The following NTN1 variants were observed in gnomAD, a reference collection of about 807,000 sequenced individuals.
The protein encoded by NTN1 is netrin-1.
A neutral mutation model predicts 54.2 loss-of-function variants in NTN1; 11 were observed. The ratio of observed to expected loss-of-function variants is 0.20; its 90% CI spans 0.13 to 0.34. The LOEUF (loss-of-function observed/expected upper bound fraction) is 0.34, where lower values mean the gene tolerates loss of function less well. Among genes scored for constraint, NTN1 ranks in the 10% least tolerant of loss-of-function variants. NTN1 has a pLI of 1.00. For missense variants in NTN1, 740 were observed against 893.1 expected, an observed-to-expected ratio of 0.83 and a Z score of 2.18; for synonymous variants, 371 against 382.0, an observed-to-expected ratio of 0.97 and a Z score of 0.33.
chr17:9,053,665 A>G (rs995754677), intron 2 of NTN1, among the ~76,000 whole-genome samples: 12 of 152,244 alleles, frequency 7.9e-5, no homozygotes, highest in African/African-American at 2.4e-4. Context: ...TGCTTAGTAC[A>G]TATACAGTGG....
intron 2 of NTN1, 74 bp downstream of exon 2, chr17:9,023,465 A>G: frequency 7.6e-7 from 1 of 1,318,888 alleles, no homozygotes; most frequent in Non-Finnish European, 9.6e-7. Context: ...CGCAGCGGCG[A>G]GTTCATAGGA....
chr17:9,086,922 C>T (rs144481313), intron 2 of NTN1, among the ~76,000 whole-genome samples: 4 of 152,286 alleles, frequency 2.6e-5, no homozygotes, highest in Non-Finnish European at 4.4e-5. Context: ...GCATCAGCAC[C>T]GTTGTCATCA....
rs1277960791 is a variant in NTN1, at chr17:9,022,313, G to A, written c.-61G>A. 2 of 1,259,744 alleles carry A rather than the reference G, an allele frequency of 1.6e-6. No homozygotes were observed. Among genetic ancestry groups the A allele is most frequent in the African/African-American group, 1.6e-5 (1 of 64,054 alleles). The allele number at this position is 1,259,744 out of a possible 1,614,324, so 78.0% of individuals were successfully genotyped here. On this transcript the variant is annotated splice_region_variant and 5_prime_UTR_variant, in exon 2 of 7. Coordinates refer to ENST00000173229, the MANE Select transcript of NTN1 (RefSeq NM_004822.3). ...GCGCAGCTCCCTTCTCTCCGCAGGC[G>A]CCTTCTGCGGCAGGCGGACAGATCC...
chr17:9,063,102 C>CT (rs561140679), intron 2 of NTN1, among the ~76,000 whole-genome samples: 17,592 of 145,794 alleles, frequency 0.12, 1,226 homozygotes, highest in Non-Finnish European at 0.16. Flanking sequence ...TCATTAATGA[C>CT]TTTTTTTTTT....
chr17:9,029,293 CG>C (rs1258408806), intron 2 of NTN1, among the ~76,000 whole-genome samples: 7 of 152,196 alleles, frequency 4.6e-5, no homozygotes, highest in Admixed American at 3.9e-4. Context: ...CCACAAGGAA[CG>C]GAAGCTTTTC....
At chr17:9,020,304 C>T (rs542750346), upstream of NTN1, among the ~76,000 whole-genome samples, 1 of 152,336 alleles carries the variant, frequency 6.6e-6, no homozygotes, top group African/African-American at 2.4e-5. Flanking sequence ...GCAGAGATTC[C>T]GTTCCAAACT....
chr17:9,220,505 G>A (rs1485323197), intron 5 of NTN1, among the ~76,000 whole-genome samples: 1 of 152,096 alleles, frequency 6.6e-6, no homozygotes, highest in Non-Finnish European at 1.5e-5. Flanking sequence ...GCAGGCCCTG[G>A]TGCCCTCCAC....
In NTN1 at chr17:9,022,657, A is replaced by G; in HGVS notation, c.284A>G (p.Asn95Ser). The G allele has an allele frequency of 6.4e-7, 1 of 1,567,446 alleles. No individual in the cohort carries two copies. Among genetic ancestry groups the G allele is most frequent in the South Asian group, 1.2e-5 (1 of 85,834 alleles). ...CGGCTGCGCTCGTGCCACCTCTGCA[A>G]CGCGTCCGACCCCAAGAAGGCGCAC... ...EERLRSCHLC[N>S]ASDPKKAHPP... Residue 95 changes from asparagine to serine, a missense_variant, in exon 2 of 7, where the codon AAC becomes AGC. Asn to Ser is a conservative substitution (Grantham distance 46, BLOSUM62 1). Coordinates refer to ENST00000173229, the MANE Select transcript of NTN1 (RefSeq NM_004822.3).
In NTN1 at chr17:9,135,772, T is replaced by C. The variant is rs900876855; in HGVS notation, c.1019-27041T>C. Among the ~76,000 whole-genome samples, 1 of 152,134 alleles carries C rather than the reference T, an allele frequency of 6.6e-6. No individual in the cohort carries two copies. Among genetic ancestry groups the C allele is most frequent in the Non-Finnish European group, 1.5e-5 (1 of 68,032 alleles). On this transcript the variant is annotated intron_variant, in intron 2 of 6. Coordinates refer to ENST00000173229, the MANE Select transcript of NTN1 (RefSeq NM_004822.3). The surrounding 1 kb of genome is among the most constrained non-coding windows in gnomAD (Gnocchi z 4.4). ...TTAGAGCCCTTTCCTGGCAATCTGT[T>C]CTGGCTTCCAGCATTCCAGGGCATT...
chr17:9,041,886 G>A (rs2091922713), intron 2 of NTN1, among the ~76,000 whole-genome samples: 1 of 152,016 alleles, frequency 6.6e-6, no homozygotes, highest in African/African-American at 2.4e-5. Context: ...GTACACATCT[G>A]TAGTCCCAGC....
rs2091858930 is a variant in NTN1, at chr17:9,023,176, C to T, written c.803C>T (p.Ala268Val). The change falls in exon 2 of 7, where the codon GCG (alanine) becomes GTG (valine). Residue 268 changes from alanine (A) to valine (V), a missense_variant. Coordinates refer to ENST00000173229, the MANE Select transcript of NTN1 (RefSeq NM_004822.3). The part of the protein sequence containing the change: ...GDENEDDSEL[A>V]RDSYFYAVSD... ...GAGAACGAGGACGACTCGGAGCTGG[C>T]GCGCGACTCGTACTTCTACGCGGTG... The T allele has an allele frequency of 1.9e-6, 3 of 1,562,008 alleles. No individual in the cohort carries two copies. Among genetic ancestry groups the T allele is most frequent in the Admixed American group, 1.8e-5 (1 of 54,460 alleles).
Position 9,123,766 on chromosome 17 carries a change from TTC to T in NTN1, c.1019-39045_1019-39044del, listed in dbSNP as rs149846626. ...ATTTTGGGGGTTCTCATTGTGGACT[TTC>T]TGTTTGATTAAGTTTTCTCTTGGTT... is the stretch of plus-strand genomic sequence containing the variant. On this transcript the variant is annotated intron_variant, in intron 2 of 6. Transcript: ENST00000173229. Among the ~76,000 whole-genome samples, 1,219 of 152,260 alleles carry T rather than the reference TTC, an allele frequency of 8.0e-3. 22 individuals are homozygous for T. The highest frequency in any genetic ancestry group is 0.027 in the African/African-American group (1,141 of 41,530).
intron 2 of NTN1, among the ~76,000 whole-genome samples, chr17:9,132,877 AAAAG>A (rs1287878193): frequency 6.6e-6 from 1 of 152,036 alleles, no homozygotes; most frequent in Non-Finnish European, 1.5e-5. Flanking sequence ...TCTGTTTCAA[AAAAG>A]AAAAAGAATG....
rs867005711 is a variant in NTN1, at chr17:9,022,567, G to T, written c.194G>T (p.Arg65Leu). ...AATGCGGCCTTCGGCAAGGACGTGC[G>T]CGTGTCCAGCACCTGCGGCCGGCCC... The part of the protein sequence containing the change: ...FVNAAFGKDV[R>L]VSSTCGRPPA... Residue 65 changes from arginine to leucine, a missense_variant, in exon 2 of 7, where the codon CGC becomes CTC. Physicochemically the swap from Arg to Leu is moderately radical, Grantham distance 102. Transcript: ENST00000173229. 160 of 1,547,490 alleles carry T rather than the reference G, an allele frequency of 1.0e-4. No homozygotes were observed. The highest frequency in any genetic ancestry group is 1.4e-4 in the Non-Finnish European group (159 of 1,147,878).
chr17:9,124,049 G>C (rs2092238787), intron 2 of NTN1, among the ~76,000 whole-genome samples: 1 of 152,100 alleles, frequency 6.6e-6, no homozygotes, highest in African/African-American at 2.4e-5. Context: ...GCAACCTTTG[G>C]CCTGTCCCCT....
intron 2 of NTN1, among the ~76,000 whole-genome samples, chr17:9,152,208 T>C (rs1458975107): frequency 6.6e-6 from 1 of 152,186 alleles, no homozygotes; most frequent in East Asian, 1.9e-4. Flanking sequence ...CACGGCTTCA[T>C]TCTTGAAGTG....
chr17:9,235,112 A>G (rs1905941654), intron 6 of NTN1, among the ~76,000 whole-genome samples: 1 of 151,524 alleles, frequency 6.6e-6, no homozygotes, highest in African/African-American at 2.4e-5. Context: ...ACAGGTGTCC[A>G]CCACCATGCC....
the NTN1 span, among the ~76,000 whole-genome samples, chr17:9,005,925 C>T: frequency 1.3e-5 from 2 of 152,210 alleles, no homozygotes; most frequent in East Asian, 3.9e-4. Context: ...GCAGGCCCCA[C>T]ACAGACAGTA....
At chr17:9,222,212 C>T (rs1375361500) in intron 6 of NTN1, among the ~76,000 whole-genome samples, 1 of 152,222 alleles carries the variant, frequency 6.6e-6, no homozygotes, top group Non-Finnish European at 1.5e-5. Context: ...CCACGAAAGT[C>T]CACATCTGCC....
Sources: gnomAD v4.1 joint callset for allele counts (sites outside exome capture counted in the v4.1 genomes callset) on GRCh38, gnomAD v4.1.1 for gene constraint, Gnocchi (gnomAD v3.1) non-coding constraint, MANE v1.5 for transcripts, NCBI Gene and HGNC (gene_info 2026-07-23, HGNC 2026-07-21) for gene names.